ABCA1: variants seen among roughly 807,000 people sequenced by gnomAD.
ABCA1 encodes ATP binding cassette subfamily A member 1, also known as phospholipid-transporting ATPase ABCA1.
In ABCA1, 133 loss-of-function variants were observed where a neutral mutation model predicts 262.5. The ratio of observed to expected loss-of-function variants is 0.51; its 90% CI spans 0.44 to 0.59. ABCA1 has a LOEUF of 0.59. ABCA1 is among the 20% of genes least tolerant of loss of function. The pLI, the probability that ABCA1 is intolerant of heterozygous loss-of-function variation, is 0.00. For missense variants in ABCA1, 2,452 were observed against 2,777.5 expected (o/e 0.88, Z 2.63); for synonymous variants, 1,022 against 1,043.5 (o/e 0.98, Z 0.40).
chr9:104,894,811 C>T (rs1007690175), intron 2 of ABCA1, among the ~76,000 whole-genome samples: 7 of 152,350 alleles, frequency 4.6e-5, no homozygotes, highest in African/African-American at 1.7e-4. Context: ...AAAGTTCACA[C>T]CACCTGAGCC....
rs1219309538 is a variant in ABCA1 at position 104,786,996 on chromosome 9, A to C, written c.6205-20T>G. The C allele has an allele frequency of 1.3e-6, 2 of 1,596,172 alleles. No individual in the cohort carries two copies. The highest frequency in any genetic ancestry group is 4.5e-5 in the East Asian group (2 of 44,596). ...TTCATCCTGTAATTAGAATAAAATA[A>C]GTCTTATTTGCTGGGGGGAAAAAAA... On this transcript the variant is annotated intron_variant, in intron 46 of 49. Coordinates refer to ENST00000374736, the MANE Select transcript of ABCA1 (RefSeq NM_005502.4).
chr9:104,924,361 G>C (rs1023385758), intron 1 of ABCA1, among the ~76,000 whole-genome samples: 2 of 152,112 alleles, frequency 1.3e-5, no homozygotes, highest in East Asian at 3.9e-4. Flanking sequence ...TGTAATCCCA[G>C]CACTTTGGGA....
At position 104,805,875 on chromosome 9, in the gene ABCA1, C is replaced by T. The variant is rs776423339; in HGVS notation, c.4464+366G>A. On this transcript the variant is annotated intron_variant, in intron 31 of 49. Coordinates refer to ENST00000374736, the MANE Select transcript of ABCA1 (RefSeq NM_005502.4). ...ATCCCAGCACTTTGGGAGGCCGAGGCGGGTGGATCACCTGAGGTCAGGAAT... is the reference window on the plus strand; with the variant it reads ...ATCCCAGCACTTTGGGAGGCCGAGGTGGGTGGATCACCTGAGGTCAGGAAT... Among the ~76,000 whole-genome samples the T allele has an allele frequency of 5.3e-5, 8 of 152,284 alleles. No individual in the cohort carries two copies. In the South Asian group the frequency reaches 8.3e-4, roughly 16 times the overall value.
In ABCA1 at chr9:104,862,679, C is replaced by CAGGGCA. The variant is rs1564199103; in HGVS notation, c.422-880_422-879insTGCCCT. Among the ~76,000 whole-genome samples the CAGGGCA allele has an allele frequency of 3.1e-3, 29 of 9,474 alleles. 8 individuals carry two copies. The highest frequency in any genetic ancestry group is 0.011 in the African/African-American group (29 of 2,546). The allele number at this position is 9,474 out of a possible 152,430, so 6.2% of individuals were successfully genotyped here. ...CGGGCCGGGCCGGGCCGGGCCGGGCCGGGCCGGGCCGGGCCGGGCCGGCCC... is the reference window on the plus strand; with the variant it reads ...CGGGCCGGGCCGGGCCGGGCCGGGCCAGGGCAGGGCCGGGCCGGGCCGGGCCGGCCC... On this transcript the variant is annotated intron_variant, in intron 5 of 49. Transcript: ENST00000374736.
At chr9:104,914,078 C>T (rs1163429637) in intron 1 of ABCA1, among the ~76,000 whole-genome samples, 1 of 151,868 alleles carries the variant, frequency 6.6e-6, no homozygotes, top group Non-Finnish European at 1.5e-5. Context: ...GGATTACAGG[C>T]GTGAGCCACC....
Position 104,793,281 on chromosome 9 carries a change from T to G in ABCA1, c.5526A>C (p.Ser1842=). Residue 1842 remains serine (S), a synonymous_variant, in exon 41 of 50, where the codon TCA becomes TCC. Coordinates refer to ENST00000374736, the MANE Select transcript of ABCA1 (RefSeq NM_005502.4). ...LERFGENRFV[S]PLSWDLVGRN... ...GTCCCACCAAGTCCCAAGATAATGG[T>G]GACACAAAGCGATTCTCCCCTAGTA... 1 of 1,614,042 alleles carries G rather than the reference T, an allele frequency of 6.2e-7. No individual in the cohort carries two copies. Among genetic ancestry groups the G allele is most frequent in the South Asian group, 1.1e-5 (1 of 91,080 alleles).
chr9:104,899,836 T>A (rs1390889851), intron 2 of ABCA1, among the ~76,000 whole-genome samples: 1 of 152,220 alleles, frequency 6.6e-6, no homozygotes, highest in African/African-American at 2.4e-5. Context: ...GACCTTGGCC[T>A]CTGGATCAGC....
chr9:104,905,646 A>G (rs1003996845), intron 1 of ABCA1, among the ~76,000 whole-genome samples: 15 of 152,232 alleles, frequency 9.9e-5, no homozygotes, highest in Non-Finnish European at 1.9e-4. Flanking sequence ...ACTGGCAACC[A>G]GAGCAGCATT....
At chr9:104,849,107 A>G (rs1417176666) in intron 7 of ABCA1, among the ~76,000 whole-genome samples, 1 of 152,206 alleles carries the variant, frequency 6.6e-6, no homozygotes, top group African/African-American at 2.4e-5. Flanking sequence ...AGTTTTTCCA[A>G]CATCTTTAGG....
At chr9:104,919,165 T>C (rs772126602) in intron 1 of ABCA1, among the ~76,000 whole-genome samples, 24 of 152,202 alleles carry the variant, frequency 1.6e-4, no homozygotes, top group Non-Finnish European at 3.1e-4. Flanking sequence ...AGTGAGGGTC[T>C]TCTGAGATAC....
chr9:104,793,065 A>G (rs1175204855), intron 41 of ABCA1, 106 bp downstream of exon 41: 32 of 1,586,384 alleles, frequency 2.0e-5, no homozygotes, highest in Non-Finnish European at 2.6e-5. Context: ...GTTTTATCAC[A>G]TATTTTGAGT....
At chr9:104,879,374 G>A (rs1469334994) in intron 5 of ABCA1, among the ~76,000 whole-genome samples, 2 of 152,192 alleles carry the variant, frequency 1.3e-5, no homozygotes, top group Non-Finnish European at 2.9e-5. Context: ...AGGGTCTACA[G>A]GGGTGGTTAG....
At chr9:104,856,238 T>C (rs1835829187) in intron 7 of ABCA1, 5 of 1,337,822 alleles carry the variant, frequency 3.7e-6, no homozygotes, top group African/African-American at 1.5e-5. Flanking sequence ...AGTCATTTCA[T>C]CCTAAAGCCT....
chr9:104,844,150 A>C (rs1471265152), intron 8 of ABCA1, among the ~76,000 whole-genome samples: 1 of 152,126 alleles, frequency 6.6e-6, no homozygotes, highest in Non-Finnish European at 1.5e-5. Flanking sequence ...GAAATGAACA[A>C]GGGACAGAGG....
At chr9:104,849,861 T>C (rs558219467) in intron 7 of ABCA1, among the ~76,000 whole-genome samples, 1 of 152,318 alleles carries the variant, frequency 6.6e-6, no homozygotes, top group Non-Finnish European at 1.5e-5. Flanking sequence ...AAGAACATAA[T>C]TCCAAATGAA....
In ABCA1 at chr9:104,800,559, T is replaced by C. The variant is rs1404367011; in HGVS notation, c.4724A>G (p.Asn1575Ser). The C allele has an allele frequency of 1.9e-6, 3 of 1,614,138 alleles. No homozygotes were observed. The change falls in exon 35 of 50, where the codon AAC becomes AGC. Residue 1575 changes from asparagine (N) to serine (S), a missense_variant. Asn to Ser is a conservative substitution (Grantham distance 46, BLOSUM62 1). Around this residue, in one of 4 missense-constraint regions of ABCA1, gnomAD observed 752 missense variants for 944.5 expected, o/e 0.80. Transcript: ENST00000374736. ...AKDSSADRFLNSLGRFMTGLD... is the reference protein window; with the variant it reads ...AKDSSADRFLSSLGRFMTGLD... ...TCCTGTCATAAATCTTCCCAAGCTG[T>C]TGAGAAATCGATCTGCAGAACTGTC... is the stretch of plus-strand genomic sequence containing the variant.
intron 3 of ABCA1, among the ~76,000 whole-genome samples, chr9:104,887,301 A>G (rs1461753385): frequency 1.3e-5 from 2 of 152,168 alleles, no homozygotes; most frequent in East Asian, 3.9e-4. Context: ...AGAAGTGCAT[A>G]GATGTAAGGA....
chr9:104,889,472 C>T (rs2118331006), intron 2 of ABCA1: 1 of 767,374 alleles, frequency 1.3e-6, no homozygotes, highest in African/African-American at 1.9e-5. Flanking sequence ...TTCATCGTGG[C>T]ATAATTTCCT....
At chr9:104,919,754 T>C (rs1189802949) in intron 1 of ABCA1, among the ~76,000 whole-genome samples, 1 of 152,210 alleles carries the variant, frequency 6.6e-6, no homozygotes, top group Non-Finnish European at 1.5e-5. Context: ...ACTTATTGAA[T>C]TAAACCAACT....
Sources: allele counts gnomAD v4.1 joint callset (sites outside exome capture counted in the v4.1 genomes callset), GRCh38; gene constraint gnomAD v4.1.1; regional missense constraint gnomAD v4.1.1; transcripts MANE v1.5; gene names NCBI Gene and HGNC (gene_info 2026-07-23, HGNC 2026-07-21).